ZNF385D: variants seen among roughly 807,000 people sequenced by gnomAD.
ZNF385D encodes the protein zinc finger protein 385D, also known as zinc finger protein 659.
Under a neutral mutation model 35.8 loss-of-function variants are expected in ZNF385D, and 15 were observed. The observed-to-expected ratio is 0.42, with a 90% CI of 0.28 to 0.64. The LOEUF (loss-of-function observed/expected upper bound fraction) is 0.64. Among genes scored for constraint, ZNF385D ranks in the 30% least tolerant of loss-of-function variants. The pLI, the probability that ZNF385D is intolerant of heterozygous loss-of-function variation, is 0.23. For missense variants in ZNF385D, 474 were observed against 494.6 expected, an observed-to-expected ratio of 0.96 and a Z score of 0.39; for synonymous variants, 212 against 186.8, an observed-to-expected ratio of 1.13 and a Z score of -1.10.
intron 1 of ZNF385D, among the ~76,000 whole-genome samples, chr3:21,699,412 A>G (rs1418123212): frequency 1.3e-5 from 2 of 152,120 alleles, no homozygotes; most frequent in Admixed American, 1.3e-4. Flanking sequence ...GGGTGCAGCA[A>G]ACCACCATGG....
intron 3 of ZNF385D, among the ~76,000 whole-genome samples, chr3:21,960,239 GAACA>G (rs1702513555): frequency 3.0e-5 from 3 of 101,576 alleles, no homozygotes; most frequent in South Asian, 7.4e-4. Context: ...GACACTCACA[GAACA>G]AATAATCTGG....
At chr3:22,150,226 A>AT (rs1463609729) in intron 3 of ZNF385D, among the ~76,000 whole-genome samples, 1 of 152,168 alleles carries the variant, frequency 6.6e-6, no homozygotes, top group Non-Finnish European at 1.5e-5. Flanking sequence ...TAATGTCCAT[A>AT]TTTCCAACTT....
chr3:21,974,546 A>G (rs4277709), intron 3 of ZNF385D, among the ~76,000 whole-genome samples: 88,530 of 151,886 alleles, frequency 0.58, 27,545 homozygotes, highest in African/African-American at 0.82. Context: ...TACAAGCACA[A>G]GCAACCAAAG....
chr3:22,265,975 C>T (rs951276756), intron 2 of ZNF385D, among the ~76,000 whole-genome samples: 2 of 151,866 alleles, frequency 1.3e-5, no homozygotes, highest in Non-Finnish European at 2.9e-5. Flanking sequence ...AATATGCTGT[C>T]TCTTCTATAC....
At chr3:22,295,573 A>C (rs1702528219) in intron 2 of ZNF385D, among the ~76,000 whole-genome samples, 1 of 152,198 alleles carries the variant, frequency 6.6e-6, no homozygotes, top group Non-Finnish European at 1.5e-5. Context: ...TATAAACTTA[A>C]TGAAAAAAGT....
intron 4 of ZNF385D, among the ~76,000 whole-genome samples, chr3:21,468,472 A>G (rs930279589): frequency 5.3e-5 from 8 of 151,638 alleles, no homozygotes; most frequent in South Asian, 2.1e-4. Context: ...GCACCTCTGG[A>G]AAGCAACCCA....
At position 21,564,649 on chromosome 3, in the gene ZNF385D, T is replaced by C; in HGVS notation, c.201A>G (p.Thr67=). ...TTCGGTGGGGAAGAGGAACCCCGAA[T>C]GTATGGTTTATTACAGCTTTCTGAA... ...DPIQKAVINH[T]FGVPLPHRRK... The change falls in exon 3 of 8, where the codon ACA becomes ACG. Residue 67 remains threonine (T), a synonymous_variant. Coordinates refer to ENST00000281523, the MANE Select transcript of ZNF385D (RefSeq NM_024697.3). 2 of 1,591,114 alleles carry C rather than the reference T, an allele frequency of 1.3e-6. No homozygotes were observed. The highest frequency in any genetic ancestry group is 2.3e-5 in the East Asian group (1 of 43,684).
rs1488020283 is a variant in ZNF385D, at chr3:21,970,855, A to C, written c.325+197962T>G. 2.6e-5 allele frequency among the ~76,000 whole-genome samples: 4 copies of C among 152,116 alleles called. No individual in the cohort carries two copies. The East Asian group carries it at 7.7e-4, about 29-fold the overall frequency. ...AATAACATGCAATGGAGCTTCAATA[A>C]GTCTGGCAGCAGAATTTCCAGTGAA... On this transcript the variant is annotated intron_variant, in intron 3 of 5. Transcript: ENST00000494108.
intron 3 of ZNF385D, among the ~76,000 whole-genome samples, chr3:21,788,659 C>T (rs1361755812): frequency 6.6e-6 from 1 of 152,078 alleles, no homozygotes; most frequent in Non-Finnish European, 1.5e-5. Context: ...TTTTCTGTTG[C>T]TTTTTTAAAT....
intron 3 of ZNF385D, among the ~76,000 whole-genome samples, chr3:22,045,444 T>C (rs1698935204): frequency 1.3e-5 from 2 of 152,110 alleles, no homozygotes; most frequent in South Asian, 4.1e-4. Flanking sequence ...TTCCACAGAA[T>C]TGGGAACCCC....
At chr3:22,171,852 G>A (rs1164636724) in intron 2 of ZNF385D, among the ~76,000 whole-genome samples, 1 of 142,660 alleles carries the variant, frequency 7.0e-6, no homozygotes, top group East Asian at 2.0e-4. Context: ...ATCCCAGCCT[G>A]GGCAACAGAG....
chr3:21,681,398 A>G (rs761236915), intron 1 of ZNF385D, among the ~76,000 whole-genome samples: 1 of 150,268 alleles, frequency 6.7e-6, no homozygotes, highest in Admixed American at 6.7e-5. Context: ...TGTTTCTGGA[A>G]AGGTAAAGGC....
At chr3:21,428,933 C>CTTTTTTTTTTT (rs56827844) in intron 5 of ZNF385D, among the ~76,000 whole-genome samples, 25 of 112,020 alleles carry the variant, frequency 2.2e-4, no homozygotes, top group African/African-American at 8.1e-4. Flanking sequence ...CCAAGAAATC[C>CTTTTTTTTTTT]TTTTTTTTTT....
chr3:22,205,149 C>A (rs1287913641), intron 2 of ZNF385D, among the ~76,000 whole-genome samples: 2 of 151,900 alleles, frequency 1.3e-5, no homozygotes, highest in Admixed American at 1.3e-4. Flanking sequence ...TCCAATGAAG[C>A]TCCAAAATAT....
chr3:21,653,444 C>T lies in ZNF385D; in HGVS notation c.165+11442G>A, dbSNP rs140557704. ...GAAAGAGTTTTTCTACATACCTGCA[C>T]TCAGTATTTTAAACCATGAGCCACA... On this transcript the variant is annotated intron_variant, in intron 2 of 7. Transcript: ENST00000281523. 4.1e-3 allele frequency among the ~76,000 whole-genome samples: 623 copies of T among 152,090 alleles called. 4 individuals carry two copies. Among genetic ancestry groups the T allele is most frequent in the Non-Finnish European group, 6.9e-3 (470 of 67,962 alleles).
At chr3:21,634,532 TAC>T (rs1447574406) in intron 2 of ZNF385D, among the ~76,000 whole-genome samples, 1 of 152,080 alleles carries the variant, frequency 6.6e-6, no homozygotes, top group Non-Finnish European at 1.5e-5. Flanking sequence ...AAAATATATA[TAC>T]CTTTTTTAGT....
chr3:21,710,454 C>T (rs1477623655), intron 1 of ZNF385D, among the ~76,000 whole-genome samples: 1 of 152,100 alleles, frequency 6.6e-6, no homozygotes, highest in African/African-American at 2.4e-5. Context: ...TTTCTGAATT[C>T]CTTAAGGTGC....
At chr3:22,323,935 T>C (rs984702902) in intron 2 of ZNF385D, among the ~76,000 whole-genome samples, 3 of 152,174 alleles carry the variant, frequency 2.0e-5, no homozygotes, top group African/African-American at 7.2e-5. Context: ...TTAACTAATA[T>C]ATACTATCCA....
chr3:22,339,418 T>C (rs1486209906), intron 2 of ZNF385D, among the ~76,000 whole-genome samples: 1 of 152,204 alleles, frequency 6.6e-6, no homozygotes, highest in East Asian at 1.9e-4. Flanking sequence ...TATACTATGC[T>C]AGGTGCTGAA....
Sources: allele counts gnomAD v4.1 joint callset (sites outside exome capture counted in the v4.1 genomes callset), GRCh38; gene constraint gnomAD v4.1.1; transcripts MANE v1.5; gene names NCBI Gene and HGNC (gene_info 2026-07-23, HGNC 2026-07-21).